AMZ1: variants seen among roughly 807,000 people sequenced by gnomAD.
The protein encoded by AMZ1 is archaelysin family metallopeptidase 1.
AMZ1 carries 39 observed loss-of-function variants against 29.9 expected under a neutral mutation model. That is an observed-to-expected ratio of 1.30 (90% confidence interval 1.01 to 1.70). The LOEUF is 1.70. Among genes scored for constraint, AMZ1 ranks in the 40% most tolerant of loss-of-function variants. The pLI, the probability that AMZ1 is intolerant of heterozygous loss-of-function variation, is 0.00. For missense variants in AMZ1, 1,041 were observed against 680.6 expected (o/e 1.53, Z -5.89); for synonymous variants, 458 against 304.0 (o/e 1.51, Z -5.27).
chr7:2,684,925 A>G (rs1051050526), upstream of AMZ1, among the ~76,000 whole-genome samples: 1 of 144,420 alleles, frequency 6.9e-6, no homozygotes, highest in Non-Finnish European at 1.5e-5. Context: ...GCTGGAGTGC[A>G]GTGGCGCGAT....
intron 4 of AMZ1, among the ~76,000 whole-genome samples, chr7:2,759,361 TCTAAGGGCCTCC>T (rs1304723733): frequency 6.6e-6 from 1 of 152,106 alleles, no homozygotes; most frequent in Non-Finnish European, 1.5e-5. Context: ...CCTGCACTGT[TCTAAGGGCCTCC>T]CCCATATCAC....
chr7:2,732,373 C>T (rs1562390978), intron 4 of AMZ1, among the ~76,000 whole-genome samples: 1 of 152,046 alleles, frequency 6.6e-6, no homozygotes, highest in Non-Finnish European at 1.5e-5. Flanking sequence ...ATAGTAAAAC[C>T]CCATATTTAC....
chr7:2,724,559 GGGCCA>G (rs1420639694), downstream of AMZ1, among the ~76,000 whole-genome samples: 6 of 150,724 alleles, frequency 4.0e-5, no homozygotes, highest in Non-Finnish European at 8.9e-5. Context: ...CCACCCACGA[GGGCCA>G]GGCTGTGTGT....
In AMZ1 at chr7:2,717,972, G is replaced by A. The variant is rs947896424; in HGVS notation, c.*5094G>A. 4.6e-5 allele frequency among the ~76,000 whole-genome samples: 7 copies of A among 152,198 alleles called. No individual in the cohort carries two copies. Among genetic ancestry groups the A allele is most frequent in the African/African-American group, 9.7e-5 (4 of 41,444 alleles). On this transcript the variant is annotated 3_prime_UTR_variant, in exon 7 of 7. Coordinates refer to ENST00000683327, the MANE Select transcript of AMZ1 (RefSeq NM_001384743.1). ...AAATCCAAATAGTCACCGGAGTCGA[G>A]CAAACACGGCGGCCCCTGCCTCCCC...
At chr7:2,688,682 G>A (rs1171554830) in intron 1 of AMZ1, among the ~76,000 whole-genome samples, 4 of 152,210 alleles carry the variant, frequency 2.6e-5, no homozygotes, top group Non-Finnish European at 4.4e-5. Flanking sequence ...TCCGGGCTGG[G>A]GCGAGCCAGG....
chr7:2,740,818 AC>A (rs2115326021), intron 4 of AMZ1, among the ~76,000 whole-genome samples: 1 of 152,276 alleles, frequency 6.6e-6, no homozygotes, highest in African/African-American at 2.4e-5. Context: ...GCCGAGGCGG[AC>A]GGATCACGAG....
Position 2,716,381 on chromosome 7 carries a change from G to C in AMZ1, c.*3503G>C, listed in dbSNP as rs1187339808. 1 of 152,236 alleles carries C rather than the reference G, an allele frequency of 6.6e-6. No individual in the cohort carries two copies. The highest frequency in any genetic ancestry group is 1.5e-5 in the Non-Finnish European group (1 of 68,042). 9.4% of individuals were successfully genotyped at this position (152,236 alleles called of 1,614,324 possible). Reference sequence around the variant, plus strand: ...CTCCTGTCCATGGTGTGAACCCTGAGGGCACGGGACAGTGAGTGGAGCTCT... The same window carrying C: ...CTCCTGTCCATGGTGTGAACCCTGACGGCACGGGACAGTGAGTGGAGCTCT... On this transcript the variant is annotated 3_prime_UTR_variant, in exon 7 of 7. Transcript: ENST00000683327.
At chr7:2,739,348 T>C (rs1013932581) in intron 4 of AMZ1, among the ~76,000 whole-genome samples, 2 of 152,198 alleles carry the variant, frequency 1.3e-5, no homozygotes, top group Non-Finnish European at 2.9e-5. Flanking sequence ...ATTTGCCGGT[T>C]CTGGATCTCT....
At chr7:2,739,541 G>C (rs778508697) in intron 4 of AMZ1, among the ~76,000 whole-genome samples, 10 of 152,192 alleles carry the variant, frequency 6.6e-5, no homozygotes, top group Non-Finnish European at 8.8e-5. Context: ...CCATTTGTCA[G>C]TTGATGAACA....
upstream of AMZ1, among the ~76,000 whole-genome samples, chr7:2,761,097 T>C (rs1253334746): frequency 6.6e-6 from 1 of 152,250 alleles, no homozygotes. Flanking sequence ...AAGCATTTCC[T>C]ACACGTCTGG....
In AMZ1 at chr7:2,731,051, C is replaced by G; in HGVS notation, n.550+21235C>G. On this transcript the variant is annotated intron_variant and non_coding_transcript_variant, in intron 4 of 4. Transcript: ENST00000489665. This position sits in a 1 kb window ranked among gnomAD's most constrained non-coding sequence, Gnocchi z 6.0. ...GCTGGCTGGCTGGTCTGACAGCATTCCTGAGCCAGGTATTCCAGGGCACGG... is the reference window on the plus strand; with the variant it reads ...GCTGGCTGGCTGGTCTGACAGCATTGCTGAGCCAGGTATTCCAGGGCACGG... 1.6e-6 allele frequency: 1 copy of G among 629,878 alleles called. No homozygotes were observed. Among genetic ancestry groups the G allele is most frequent in the Non-Finnish European group, 2.8e-6 (1 of 363,574 alleles). 39.0% of individuals were successfully genotyped at this position (629,878 alleles called of 1,614,324 possible).
rs1193822291 is a variant in AMZ1 at position 2,717,758 on chromosome 7, C to T, written c.*4880C>T. 6.6e-6 allele frequency among the ~76,000 whole-genome samples: 1 copy of T among 152,170 alleles called. No individual in the cohort carries two copies. On this transcript the variant is annotated 3_prime_UTR_variant, in exon 7 of 7. Coordinates refer to ENST00000683327, the MANE Select transcript of AMZ1 (RefSeq NM_001384743.1). The stretch of plus-strand genomic sequence containing the variant: ...TCCCTTTTCTGACATCCTACAGCAG[C>T]ACCTTGATGAATGAGAACCCGGAAG...
intron 4 of AMZ1, among the ~76,000 whole-genome samples, chr7:2,737,960 G>A (rs993329045): frequency 3.3e-5 from 5 of 152,130 alleles, no homozygotes; most frequent in African/African-American, 1.2e-4. Context: ...CTCAGTGAAC[G>A]CCTGTGACAT....
At position 2,712,741 on chromosome 7, in the gene AMZ1, C is replaced by A. The variant is rs572440172; in HGVS notation, c.1360C>A (p.Pro454Thr). The A allele has an allele frequency of 6.2e-7, 1 of 1,605,630 alleles. No individual in the cohort carries two copies. ...TGQLPATRQD[P>T]PSSRDSVGLR... is the part of the protein sequence containing the mutation. ...CCAGCTCCCGGCCACCAGGCAGGACCCACCCAGCAGCAGGGACAGCGTGGG... is the reference window on the plus strand; with the variant it reads ...CCAGCTCCCGGCCACCAGGCAGGACACACCCAGCAGCAGGGACAGCGTGGG... Residue 454 changes from proline to threonine, a missense_variant, in exon 7 of 7, where the codon CCA (proline) becomes ACA (threonine). By Grantham distance (38) the Pro-to-Thr change is conservative. Transcript: ENST00000683327.
chr7:2,720,516 G>A (rs1232829902), downstream of AMZ1, among the ~76,000 whole-genome samples: 2 of 152,004 alleles, frequency 1.3e-5, no homozygotes, highest in African/African-American at 2.4e-5. Flanking sequence ...CGATTCTCCT[G>A]TCTCAGCCTC....
At chr7:2,745,860 G>A (rs1306106183) in intron 4 of AMZ1, among the ~76,000 whole-genome samples, 1 of 152,014 alleles carries the variant, frequency 6.6e-6, no homozygotes, top group Non-Finnish European at 1.5e-5. Flanking sequence ...AAAACGCAGG[G>A]GTTGCAATCC....
intron 1 of AMZ1, among the ~76,000 whole-genome samples, chr7:2,697,980 G>A (rs1787839422): frequency 6.6e-6 from 1 of 152,128 alleles, no homozygotes; most frequent in African/African-American, 2.4e-5. Context: ...TGTATATACA[G>A]CTGTGTCACA....
At chr7:2,696,500 G>T (rs762142177) in intron 1 of AMZ1, among the ~76,000 whole-genome samples, 7,397 of 150,622 alleles carry the variant, frequency 0.049, 258 homozygotes, top group Non-Finnish European at 0.075. Flanking sequence ...CTCGTGATCT[G>T]CCCGCCTGGG....
chr7:2,687,947 G>A (rs1787149329), upstream of AMZ1, among the ~76,000 whole-genome samples: 2 of 152,240 alleles, frequency 1.3e-5, no homozygotes, highest in Non-Finnish European at 2.9e-5. Flanking sequence ...TCTCACCTGG[G>A]GAGGCACGAA....
Sources: allele counts gnomAD v4.1 joint callset (sites outside exome capture counted in the v4.1 genomes callset), GRCh38; gene constraint gnomAD v4.1.1; non-coding constraint Gnocchi (gnomAD v3.1); transcripts MANE v1.5; gene names NCBI Gene and HGNC (gene_info 2026-07-23, HGNC 2026-07-21).